RNF214: variants seen among roughly 807,000 people sequenced by gnomAD.
RNF214 encodes ring finger protein 214.
A neutral mutation model predicts 75.9 loss-of-function variants in RNF214; 25 were observed. The observed-to-expected ratio is 0.33, with a 90% CI of 0.24 to 0.46. The LOEUF (loss-of-function observed/expected upper bound fraction) is 0.46. Among genes scored for constraint, RNF214 ranks in the 20% least tolerant of loss-of-function variants. The pLI, the probability that RNF214 is intolerant of heterozygous loss-of-function variation, is 1.00. For synonymous variants in RNF214, 314 were observed against 308.8 expected, an observed-to-expected ratio of 1.02 and a Z score of -0.18; for missense variants, 725 against 857.5, an observed-to-expected ratio of 0.85 and a Z score of 1.93.
chr11:117,265,266 C>A (rs2033770974), intron 6 of RNF214, among the ~76,000 whole-genome samples: 1 of 152,088 alleles, frequency 6.6e-6, no homozygotes, highest in African/African-American at 2.4e-5. Context: ...TCCCCATCTG[C>A]TTCTCTAATT....
chr11:117,264,641 T>A (rs1472403537), intron 6 of RNF214, among the ~76,000 whole-genome samples: 1 of 152,202 alleles, frequency 6.6e-6, no homozygotes, highest in Non-Finnish European at 1.5e-5. Flanking sequence ...TCATACTCTT[T>A]ATATTACAGT....
In RNF214 at chr11:117,238,862, C is replaced by G. The variant is rs745849348; in HGVS notation, c.369C>G (p.Ser123Arg). ...CAGCAGGAGAGGAGGGGGACACAAG[C>G]CTTCGGGAGAGCCTCCATCCAGTCA... ...ASTAGEEGDT[S>R]LRESLHPVTR... Residue 123 changes from serine to arginine, a missense_variant, in exon 3 of 15, where the codon AGC becomes AGG. This residue lies in a region of RNF214 where 362 missense variants were observed against 344.5 expected (regional missense o/e 1.05). Transcript: ENST00000300650. The G allele has an allele frequency of 6.2e-7, 1 of 1,614,174 alleles. No homozygotes were observed. Among genetic ancestry groups the G allele is most frequent in the Admixed American group, 1.7e-5 (1 of 60,012 alleles).
At chr11:117,262,705 C>T (rs963043470) in intron 6 of RNF214, among the ~76,000 whole-genome samples, 53 of 80,638 alleles carry the variant, frequency 6.6e-4, no homozygotes, top group African/African-American at 3.1e-3. Flanking sequence ...TATTGAGGAA[C>T]GTTGTGTGTG....
At chr11:117,252,092 C>A (rs567506893) in intron 6 of RNF214, among the ~76,000 whole-genome samples, 3 of 152,204 alleles carry the variant, frequency 2.0e-5, no homozygotes, top group African/African-American at 7.2e-5. Flanking sequence ...TAGTCTTGAA[C>A]ACCTGACCTC....
Position 117,246,956 on chromosome 11 carries a change from A to G in RNF214, c.959+8A>G. ...TTGTGAGAAGGGCAGAAGGTAACTGATGTTAAGAATAAAAACCCTGTGTGT... is the reference window on the plus strand; with the variant it reads ...TTGTGAGAAGGGCAGAAGGTAACTGGTGTTAAGAATAAAAACCCTGTGTGT... On this transcript the variant is annotated splice_region_variant and intron_variant, in intron 6 of 14. Transcript: ENST00000300650. The G allele has an allele frequency of 6.3e-7, 1 of 1,598,632 alleles. No individual in the cohort carries two copies. Among genetic ancestry groups the G allele is most frequent in the Non-Finnish European group, 8.5e-7 (1 of 1,173,654 alleles).
At chr11:117,242,521 T>C (rs1235191026) in intron 4 of RNF214, among the ~76,000 whole-genome samples, 1 of 152,166 alleles carries the variant, frequency 6.6e-6, no homozygotes, top group African/African-American at 2.4e-5. Context: ...TTTGTTTGGC[T>C]CTATCTTTTG....
chr11:117,280,686 AC>A, intron 8 of RNF214, among the ~76,000 whole-genome samples: 1 of 152,284 alleles, frequency 6.6e-6, no homozygotes, highest in Admixed American at 6.5e-5. Flanking sequence ...ATAAAAAATA[AC>A]CAGCATCTGT....
intron 4 of RNF214, among the ~76,000 whole-genome samples, chr11:117,240,851 GACTA>G (rs1565329226): frequency 1.3e-5 from 2 of 152,038 alleles, no homozygotes; most frequent in Non-Finnish European, 2.9e-5. Context: ...AGACCAGCCT[GACTA>G]ACATGGTGAA....
At position 117,238,725 on chromosome 11, in the gene RNF214, G is replaced by C; in HGVS notation, c.232G>C (p.Ala78Pro). ...CTCAGAGCAGAATCCTGGTTCATCA[G>C]CAGGTGACACCTCAGCAGCGCACCA... Reference protein sequence around the residue: ...EHSEQNPGSSAGDTSAAHQVV... With the variant: ...EHSEQNPGSSPGDTSAAHQVV... The change falls in exon 3 of 15, where the codon GCA (alanine) becomes CCA (proline). Residue 78 changes from alanine (A) to proline (P), a missense_variant. Physicochemically the swap from Ala to Pro is conservative, Grantham distance 27. Coordinates refer to ENST00000300650, the MANE Select transcript of RNF214 (RefSeq NM_207343.4). 6.2e-7 allele frequency: 1 copy of C among 1,614,178 alleles called. No homozygotes were observed. The highest frequency in any genetic ancestry group is 8.5e-7 in the Non-Finnish European group (1 of 1,180,036).
chr11:117,278,708 AT>A (rs1425270981), intron 6 of RNF214, among the ~76,000 whole-genome samples: 2 of 152,240 alleles, frequency 1.3e-5, no homozygotes, highest in Non-Finnish European at 1.5e-5. Flanking sequence ...CTTTTGAAGC[AT>A]ATTTACTATA....
intron 4 of RNF214, among the ~76,000 whole-genome samples, chr11:117,241,422 A>C (rs4938365): frequency 0.1 from 15,518 of 151,746 alleles, 861 homozygotes; most frequent in Middle Eastern, 0.14. Flanking sequence ...TCTACTAAAA[A>C]TACAAAAATT....
At chr11:117,239,210 G>A in intron 3 of RNF214, 99 bp downstream of exon 3, 1 of 1,340,116 alleles carries the variant, frequency 7.5e-7, no homozygotes, top group Non-Finnish European at 1.0e-6. Context: ...TTGCTGGCTT[G>A]TTTTGTTTTT....
Position 117,282,812 on chromosome 11 carries a change from C to T in RNF214, c.1912C>T (p.Pro638Ser), listed in dbSNP as rs1317755632. Residue 638 changes from proline to serine, a missense_variant, in exon 13 of 15, where the codon CCT (proline) becomes TCT (serine). Transcript: ENST00000300650. ...LAQISTPMFL[P>S]SAQVSYPGRS... is the part of the protein sequence containing the mutation. ...CCAAATCAGTACCCCAATGTTCTTGCCTTCTGCCCAAGTTTCATATCCTGG... is the reference window on the plus strand; with the variant it reads ...CCAAATCAGTACCCCAATGTTCTTGTCTTCTGCCCAAGTTTCATATCCTGG... 1.2e-6 allele frequency: 2 copies of T among 1,614,132 alleles called. No individual in the cohort carries two copies. The highest frequency in any genetic ancestry group is 1.6e-4 in the Middle Eastern group (1 of 6,062).
At chr11:117,263,459 A>T (rs1438645144) in intron 6 of RNF214, among the ~76,000 whole-genome samples, 2 of 151,866 alleles carry the variant, frequency 1.3e-5, no homozygotes, top group Non-Finnish European at 2.9e-5. Flanking sequence ...TATTTTTAGT[A>T]GAGATGGGGT....
At chr11:117,251,223 G>T (rs1402971163) in intron 6 of RNF214, among the ~76,000 whole-genome samples, 1 of 88,662 alleles carries the variant, frequency 1.1e-5, no homozygotes, top group Non-Finnish European at 2.2e-5. Context: ...TCCCGGACGG[G>T]GCGGCTGGCC....
At chr11:117,250,417 TAAAA>T (rs558438007) in intron 6 of RNF214, among the ~76,000 whole-genome samples, 2 of 152,046 alleles carry the variant, frequency 1.3e-5, no homozygotes, top group East Asian at 1.9e-4. Context: ...TTTAAGAAAT[TAAAA>T]AAATATTTTA....
At position 117,269,405 on chromosome 11, in the gene RNF214, A is replaced by C. The variant is rs974834668; in HGVS notation, c.960-10503A>C. 2.6e-5 allele frequency among the ~76,000 whole-genome samples: 4 copies of C among 152,164 alleles called. 1 individual carries two copies. Among genetic ancestry groups the C allele is most frequent in the Admixed American group, 1.3e-4 (2 of 15,274 alleles). The stretch of plus-strand genomic sequence containing the variant: ...GAGACAAGGTCTCACTCTGTCACCC[A>C]GCCTGGAGTGCAGTGGCATGATCAT... On this transcript the variant is annotated intron_variant, in intron 6 of 14. Transcript: ENST00000300650.
At position 117,270,403 on chromosome 11, in the gene RNF214, A is replaced by G. The variant is rs546260864; in HGVS notation, c.960-9505A>G. ...CTCCCAAGTAGCTGGGCCTACAAGC[A>G]TGTGCCACCACACCACTCTAATTTA... On this transcript the variant is annotated intron_variant, in intron 6 of 14. Coordinates refer to ENST00000300650, the MANE Select transcript of RNF214 (RefSeq NM_207343.4). 2.6e-4 allele frequency among the ~76,000 whole-genome samples: 40 copies of G among 151,594 alleles called. No individual in the cohort carries two copies. In the Middle Eastern group the frequency reaches 0.01, roughly 39 times the overall value.
At chr11:117,257,608 A>G (rs1409406280) in intron 6 of RNF214, among the ~76,000 whole-genome samples, 1 of 152,190 alleles carries the variant, frequency 6.6e-6, no homozygotes, top group East Asian at 1.9e-4. Flanking sequence ...CGATAGTTAC[A>G]ATGGAAGGGA....
Sources: gnomAD v4.1 joint callset for allele counts (sites outside exome capture counted in the v4.1 genomes callset) on GRCh38, gnomAD v4.1.1 for gene constraint, gnomAD v4.1.1 regional missense constraint, MANE v1.5 for transcripts, NCBI Gene and HGNC (gene_info 2026-07-23, HGNC 2026-07-21) for gene names.